Variants in PTPRD observed in about 807,000 individuals in gnomAD.
The protein encoded by PTPRD is receptor-type tyrosine-protein phosphatase delta.
PTPRD carries 34 observed loss-of-function variants against 214.5 expected under a neutral mutation model. The ratio of observed to expected loss-of-function variants is 0.16; its 90% confidence interval spans 0.12 to 0.21. The LOEUF (loss-of-function observed/expected upper bound fraction) is 0.21, where lower values mean the gene tolerates loss of function less well. Among genes scored for constraint, PTPRD ranks in the 10% least tolerant of loss-of-function variants. The probability of loss-of-function intolerance (pLI) is 1.00; values close to 1 mark genes in which losing one functional copy is unlikely to be tolerated. For synonymous variants in PTPRD, 1,128 were observed against 845.7 expected (o/e 1.33, Z -5.79); for missense variants, 2,545 against 2,398.7 (o/e 1.06, Z -1.27).
intron 3 of PTPRD, among the ~76,000 whole-genome samples, chr9:10,182,447 G>A (rs1346498858): frequency 6.6e-6 from 1 of 151,788 alleles, no homozygotes; most frequent in Non-Finnish European, 1.5e-5. Context: ...GAAAATAGGG[G>A]AGATCAAATT....
chr9:10,576,347 T>G (rs899301023), intron 2 of PTPRD, among the ~76,000 whole-genome samples: 1 of 152,280 alleles, frequency 6.6e-6, no homozygotes, highest in South Asian at 2.1e-4. Flanking sequence ...TGCTTTTTAA[T>G]GGCTGATTGT....
chr9:10,305,825 G>T (rs972945350), intron 3 of PTPRD, among the ~76,000 whole-genome samples: 3 of 152,172 alleles, frequency 2.0e-5, no homozygotes, highest in Admixed American at 6.5e-5. Context: ...CTGTTGGTGG[G>T]AGTTTAAATT....
chr9:9,606,621 G>A (rs1029984612), intron 7 of PTPRD, among the ~76,000 whole-genome samples: 3 of 151,874 alleles, frequency 2.0e-5, no homozygotes, highest in Admixed American at 1.3e-4. Context: ...CTGTGGAAAA[G>A]CAGCCTTAAT....
At chr9:9,309,913 GTGGATCA>G (rs1249519487) in intron 9 of PTPRD, among the ~76,000 whole-genome samples, 1 of 152,090 alleles carries the variant, frequency 6.6e-6, no homozygotes, top group Non-Finnish European at 1.5e-5. Context: ...TCTGCTTGAG[GTGGATCA>G]TGGATTTCCT....
chr9:9,998,005 C>G (rs1398420980), intron 4 of PTPRD, among the ~76,000 whole-genome samples: 1 of 151,684 alleles, frequency 6.6e-6, no homozygotes, highest in Non-Finnish European at 1.5e-5. Flanking sequence ...CAGACACCTT[C>G]TCCTCCAGCC....
At chr9:9,319,695 CA>C (rs1309175335) in intron 9 of PTPRD, among the ~76,000 whole-genome samples, 14 of 152,024 alleles carry the variant, frequency 9.2e-5, no homozygotes, top group Admixed American at 6.6e-4. Flanking sequence ...GTTAAGTACT[CA>C]AAAATTCCAA....
intron 4 of PTPRD, among the ~76,000 whole-genome samples, chr9:9,965,556 G>C (rs964107793): frequency 1.3e-5 from 2 of 152,156 alleles, no homozygotes; most frequent in Non-Finnish European, 2.9e-5. Context: ...AGAGTTAATT[G>C]TGGCTCTAAT....
intron 11 of PTPRD, among the ~76,000 whole-genome samples, chr9:8,907,565 A>C (rs2098717787): frequency 6.7e-6 from 1 of 148,602 alleles, no homozygotes; most frequent in Non-Finnish European, 1.5e-5. Flanking sequence ...AAGAAGAAAA[A>C]TACACAGCAT....
At chr9:9,381,031 G>A (rs555346228) in intron 9 of PTPRD, among the ~76,000 whole-genome samples, 111 of 152,040 alleles carry the variant, frequency 7.3e-4, no homozygotes, top group Non-Finnish European at 1.3e-3. Context: ...GTGTTAGTAT[G>A]GCATATTTTT....
chr9:9,814,308 GA>G (rs34297202), intron 5 of PTPRD, among the ~76,000 whole-genome samples: 50 of 142,552 alleles, frequency 3.5e-4, no homozygotes, highest in South Asian at 4.4e-4. Flanking sequence ...AGGTAAGAAA[GA>G]AAAAAAAAAA....
At chr9:10,350,582 G>A (rs760455319) in intron 2 of PTPRD, among the ~76,000 whole-genome samples, 1 of 152,050 alleles carries the variant, frequency 6.6e-6, no homozygotes, top group African/African-American at 2.4e-5. Context: ...CTATTTTACA[G>A]ATGATGAAAC....
chr9:9,861,576 A>G (rs987557826), intron 5 of PTPRD, among the ~76,000 whole-genome samples: 2 of 152,220 alleles, frequency 1.3e-5, no homozygotes, highest in Non-Finnish European at 2.9e-5. Flanking sequence ...GGCGTGAGCC[A>G]CCGCACATGG....
In PTPRD at chr9:8,631,224, A is replaced by C. The variant is rs143304978; in HGVS notation, c.352+2093T>G. On this transcript the variant is annotated intron_variant, in intron 14 of 45. Transcript: ENST00000381196. ...TCTCTAAGATTCCTGCCAGTTCTAA[A>C]ATCTAATTTCTAACTCCTATTCTTT... 6.0e-3 allele frequency among the ~76,000 whole-genome samples: 919 copies of C among 152,020 alleles called. 9 individuals carry two copies. Among genetic ancestry groups the C allele is most frequent in the African/African-American group, 0.021 (876 of 41,520 alleles).
intron 3 of PTPRD, among the ~76,000 whole-genome samples, chr9:10,187,058 A>G (rs1022695192): frequency 2.6e-5 from 4 of 152,196 alleles, no homozygotes; most frequent in African/African-American, 9.6e-5. Flanking sequence ...TCAACATAAG[A>G]AAAATTCTAA....
intron 12 of PTPRD, among the ~76,000 whole-genome samples, chr9:8,726,129 G>C (rs1398198274): frequency 1.3e-5 from 2 of 151,832 alleles, no homozygotes; most frequent in African/African-American, 2.4e-5. Context: ...TAAATTTTAG[G>C]TTAAAGAATT....
At chr9:8,643,524 C>A (rs921458086) in intron 12 of PTPRD, among the ~76,000 whole-genome samples, 1 of 152,206 alleles carries the variant, frequency 6.6e-6, no homozygotes, top group East Asian at 1.9e-4. Context: ...TGCCCTCACA[C>A]TGGCTGCAGA....
intron 3 of PTPRD, among the ~76,000 whole-genome samples, chr9:10,044,609 T>C (rs987481266): frequency 6.6e-6 from 1 of 151,832 alleles, no homozygotes; most frequent in African/African-American, 2.4e-5. Flanking sequence ...TTATCTCATT[T>C]AATTGTCGCT....
chr9:9,352,122 A>G (rs910831781), intron 9 of PTPRD, among the ~76,000 whole-genome samples: 2 of 151,644 alleles, frequency 1.3e-5, no homozygotes, highest in African/African-American at 4.8e-5. Context: ...TGCATTTTTT[A>G]TCAGCTTGAT....
intron 3 of PTPRD, among the ~76,000 whole-genome samples, chr9:10,229,240 T>C (rs190782549): frequency 2.0e-5 from 3 of 152,134 alleles, no homozygotes; most frequent in Middle Eastern, 3.4e-3. Flanking sequence ...AGGAACACTT[T>C]TACACTGTTG....
Sources: gnomAD v4.1 joint callset for allele counts (sites outside exome capture counted in the v4.1 genomes callset) on GRCh38, gnomAD v4.1.1 for gene constraint, MANE v1.5 for transcripts, NCBI Gene and HGNC (gene_info 2026-07-23, HGNC 2026-07-21) for gene names.